Variants in OLIG2 observed in about 807,000 individuals in gnomAD.
OLIG2 encodes the protein basic domain, helix-loop-helix protein, class B, 1.
A neutral mutation model predicts 13.4 loss-of-function variants in OLIG2; 12 were observed. That is an observed-to-expected ratio of 0.90 (90% CI 0.58 to 1.46). The LOEUF (loss-of-function observed/expected upper bound fraction) is 1.46, where lower values mean the gene tolerates loss of function less well. Ranked by LOEUF, OLIG2 falls within the 40% of genes most tolerant of loss-of-function variation. The pLI is 0.00. For missense variants in OLIG2, 415 were observed against 487.9 expected (o/e 0.85, Z 1.41); for synonymous variants, 250 against 233.6 (o/e 1.07, Z -0.64).
In OLIG2 at chr21:33,027,457, C is replaced by G. The variant is rs1375246712; in HGVS notation, c.595C>G (p.Pro199Ala). The change falls in exon 2 of 2, where the codon CCC becomes GCC. Residue 199 changes from proline (P) to alanine (A), a missense_variant. Physicochemically the swap from Pro to Ala is conservative, Grantham distance 27 (BLOSUM62 -1). This residue lies in a region of OLIG2 where 243 missense variants were observed against 241.2 expected (regional missense o/e 1.01). Coordinates refer to ENST00000382357, the MANE Select transcript of OLIG2 (RefSeq NM_005806.4). ...CGGCCTGGCGCACTCCGCGCCCCTG[C>G]CCGCCGCCACCGCGCACCCGGCAGC... ...CGGLAHSAPL[P>A]AATAHPAAAA... The G allele has an allele frequency of 6.7e-7, 1 of 1,492,078 alleles. No homozygotes were observed. Among genetic ancestry groups the G allele is most frequent in the East Asian group, 2.7e-5 (1 of 37,702 alleles). 92.4% of individuals were successfully genotyped at this position (1,492,078 alleles called of 1,614,324 possible).
Position 33,028,255 on chromosome 21 carries a change from T to G in OLIG2, c.*421T>G. ...CACTTCGGGGGGGGAGGGGGTGTTATGGGAGGGGGACACATTGGGGCCTTG... is the reference window on the plus strand; with the variant it reads ...CACTTCGGGGGGGGAGGGGGTGTTAGGGGAGGGGGACACATTGGGGCCTTG... On this transcript the variant is annotated 3_prime_UTR_variant, in exon 2 of 2. Coordinates refer to ENST00000382357, the MANE Select transcript of OLIG2 (RefSeq NM_005806.4). 1 of 241,088 alleles carries G rather than the reference T, an allele frequency of 4.1e-6. No individual in the cohort carries two copies. Among genetic ancestry groups the G allele is most frequent in the Non-Finnish European group, 8.6e-6 (1 of 116,240 alleles). The allele number at this position is 241,088 out of a possible 1,614,324, so 14.9% of individuals were successfully genotyped here.
chr21:33,028,406 C>T lies in OLIG2; in HGVS notation c.*572C>T, dbSNP rs912088453. The T allele has an allele frequency of 1.7e-5, 4 of 242,382 alleles. No individual in the cohort carries two copies. The highest frequency in any genetic ancestry group is 3.5e-5 in the Non-Finnish European group (4 of 114,736). The allele number at this position is 242,382 out of a possible 1,614,324, so 15.0% of individuals were successfully genotyped here. ...CAGGGGCCACAAGTTAGTTGGAAGC[C>T]GGCGTTCGGTATCAGAAGCGCTGAT... On this transcript the variant is annotated 3_prime_UTR_variant, in exon 2 of 2. Transcript: ENST00000382357.
chr21:33,027,827 C>T lies in OLIG2; in HGVS notation c.965C>T (p.Ala322Val). 7.1e-7 allele frequency: 1 copy of T among 1,404,944 alleles called. No homozygotes were observed. The highest frequency in any genetic ancestry group is 1.5e-5 in the South Asian group (1 of 66,658). The allele number at this position is 1,404,944 out of a possible 1,614,324, so 87.0% of individuals were successfully genotyped here. The change falls in exon 2 of 2, where the codon GCC becomes GTC. Residue 322 changes from alanine to valine, a missense_variant. Ala to Val is a moderately conservative substitution (Grantham distance 64). Coordinates refer to ENST00000382357, the MANE Select transcript of OLIG2 (RefSeq NM_005806.4). ...AGCCTGCCGCGCCTCACCTCCGACG[C>T]CAAGTGAGCCGACTGGCGCCGGCGC... ...AGSLPRLTSDAK is the reference protein window; with the variant it reads ...AGSLPRLTSDVK
At position 33,028,033 on chromosome 21, in the gene OLIG2, T is replaced by C; in HGVS notation, c.*199T>C. On this transcript the variant is annotated 3_prime_UTR_variant, in exon 2 of 2. Coordinates refer to ENST00000382357, the MANE Select transcript of OLIG2 (RefSeq NM_005806.4). ...CACAGAGCAGTGGGGAGTGAGGGGA[T>C]GTTCTCTCCGGGACCTGATCGAGCG... is the stretch of plus-strand genomic sequence containing the variant. 1 of 515,602 alleles carries C rather than the reference T, an allele frequency of 1.9e-6. No individual in the cohort carries two copies. The highest frequency in any genetic ancestry group is 4.6e-5 in the South Asian group (1 of 21,650). The allele number at this position is 515,602 out of a possible 1,614,324, so 31.9% of individuals were successfully genotyped here. A position where few individuals can be genotyped will look rare whatever the true frequency, so the allele number is the denominator to read the frequency against.
Position 33,027,737 on chromosome 21 carries a change from C to A in OLIG2, c.875C>A (p.Pro292His). The A allele has an allele frequency of 1.5e-6, 2 of 1,379,230 alleles. No individual in the cohort carries two copies. The highest frequency in any genetic ancestry group is 1.9e-6 in the Non-Finnish European group (2 of 1,073,802). The allele number at this position is 1,379,230 out of a possible 1,614,324, so 85.4% of individuals were successfully genotyped here. ...SGGFQHWGGM[P>H]CPCSMCQVPP... ...GGCTTCCAGCACTGGGGCGGCATGC[C>A]CTGCCCCTGCAGCATGTGCCAGGTG... The change falls in exon 2 of 2, where the codon CCC becomes CAC. Residue 292 changes from proline to histidine, a missense_variant. Coordinates refer to ENST00000382357, the MANE Select transcript of OLIG2 (RefSeq NM_005806.4).
chr21:33,026,661 G>A lies in OLIG2; in HGVS notation c.-62-140G>A. 2 of 637,568 alleles carry A rather than the reference G, an allele frequency of 3.1e-6. No homozygotes were observed. The highest frequency in any genetic ancestry group is 5.3e-6 in the Non-Finnish European group (2 of 374,360). The allele number at this position is 637,568 out of a possible 1,614,324, so 39.5% of individuals were successfully genotyped here. A position where few individuals can be genotyped will look rare whatever the true frequency, so the allele number is the denominator to read the frequency against. ...AGTAGCGAGGGGGACGAGGAGCCAC[G>A]GGCCACCTGTGCCGGGACCCCGCGC... On this transcript the variant is annotated intron_variant, in intron 1 of 1. Transcript: ENST00000382357. This position sits in a 1 kb window ranked among gnomAD's most constrained non-coding sequence, Gnocchi z 6.6.
In OLIG2 at chr21:33,027,771, G is replaced by C; in HGVS notation, c.909G>C (p.Pro303=). 1 of 1,420,224 alleles carries C rather than the reference G, an allele frequency of 7.0e-7. No homozygotes were observed. Among genetic ancestry groups the C allele is most frequent in the South Asian group, 1.4e-5 (1 of 69,474 alleles). The allele number at this position is 1,420,224 out of a possible 1,614,324, so 88.0% of individuals were successfully genotyped here. The change falls in exon 2 of 2, where the codon CCG becomes CCC. Residue 303 remains proline (P), a synonymous_variant. Transcript: ENST00000382357. ...CPCSMCQVPP[P]HHHVSAMGAG... is the part of the protein sequence containing the mutation. Reference sequence around the variant, plus strand: ...GCAGCATGTGCCAGGTGCCGCCGCCGCACCACCACGTGTCGGCTATGGGCG... The same window carrying C: ...GCAGCATGTGCCAGGTGCCGCCGCCCCACCACCACGTGTCGGCTATGGGCG...
At position 33,028,025 on chromosome 21, in the gene OLIG2, T is replaced by A; in HGVS notation, c.*191T>A. 2 of 534,714 alleles carry A rather than the reference T, an allele frequency of 3.7e-6. No homozygotes were observed. The highest frequency in any genetic ancestry group is 6.2e-6 in the Non-Finnish European group (2 of 320,370). The allele number at this position is 534,714 out of a possible 1,614,324, so 33.1% of individuals were successfully genotyped here. A position where few individuals can be genotyped will look rare whatever the true frequency, so the allele number is the denominator to read the frequency against. On this transcript the variant is annotated 3_prime_UTR_variant, in exon 2 of 2. Transcript: ENST00000382357. ...GGGGCGCCCACAGAGCAGTGGGGAG[T>A]GAGGGGATGTTCTCTCCGGGACCTG...
rs1185918494 is a variant in OLIG2, at chr21:33,027,005, C to T, written c.143C>T (p.Pro48Leu). ...TCCTCGTCCACCCCGAGTGACTGCCCGCCGGAGCTGAGCGCCGAGCTGCGC... is the reference window on the plus strand; with the variant it reads ...TCCTCGTCCACCCCGAGTGACTGCCTGCCGGAGCTGAGCGCCGAGCTGCGC... ...TVSSSTPSDC[P>L]PELSAELRGA... The change falls in exon 2 of 2, where the codon CCG (proline) becomes CTG (leucine). Residue 48 changes from proline (P) to leucine (L), a missense_variant. Pro to Leu is a moderately conservative substitution (Grantham distance 98). Coordinates refer to ENST00000382357, the MANE Select transcript of OLIG2 (RefSeq NM_005806.4). 6.2e-7 allele frequency: 1 copy of T among 1,612,212 alleles called. No individual in the cohort carries two copies. The highest frequency in any genetic ancestry group is 1.7e-5 in the Admixed American group (1 of 59,908).
In OLIG2 at chr21:33,026,737, A is replaced by ACTCACTCT; in HGVS notation, c.-62-61_-62-60insACTCTCTC. ...CAGCTTTTCTGTCTCTCACTGACTCACTCTCTCTCTCTCTCCCTCTCTCTC... is the reference window on the plus strand; with the variant it reads ...CAGCTTTTCTGTCTCTCACTGACTCACTCACTCTCTCTCTCTCTCTCTCCCTCTCTCTC... On this transcript the variant is annotated intron_variant, in intron 1 of 1. Coordinates refer to ENST00000382357, the MANE Select transcript of OLIG2 (RefSeq NM_005806.4). This position sits in a 1 kb window ranked among gnomAD's most constrained non-coding sequence, Gnocchi z 6.6. The ACTCACTCT allele has an allele frequency of 9.1e-7, 1 of 1,102,604 alleles. No homozygotes were observed. Among genetic ancestry groups the ACTCACTCT allele is most frequent in the Non-Finnish European group, 1.2e-6 (1 of 800,906 alleles). 68.3% of individuals were successfully genotyped at this position (1,102,604 alleles called of 1,614,324 possible). A position where few individuals can be genotyped will look rare whatever the true frequency, so the allele number is the denominator to read the frequency against.
Position 33,027,636 on chromosome 21 carries a change from C to T in OLIG2, c.774C>T (p.His258=), listed in dbSNP as rs2123269278. ...LPSVGSIRPP[H]GLLKSPSAAA... ...CGGTCGGCTCCATCCGTCCACCGCACGGCCTACTCAAGTCTCCGTCTGCTG... is the reference window on the plus strand; with the variant it reads ...CGGTCGGCTCCATCCGTCCACCGCATGGCCTACTCAAGTCTCCGTCTGCTG... Residue 258 remains histidine, a synonymous_variant, in exon 2 of 2, where the codon CAC becomes CAT. Coordinates refer to ENST00000382357, the MANE Select transcript of OLIG2 (RefSeq NM_005806.4). 6.8e-7 allele frequency: 1 copy of T among 1,465,300 alleles called. No individual in the cohort carries two copies. Among genetic ancestry groups the T allele is most frequent in the South Asian group, 1.3e-5 (1 of 76,616 alleles). The allele number at this position is 1,465,300 out of a possible 1,614,324, so 90.8% of individuals were successfully genotyped here.
chr21:33,027,653 C>T lies in OLIG2; in HGVS notation c.791C>T (p.Pro264Leu). The change falls in exon 2 of 2, where the codon CCG becomes CTG. Residue 264 changes from proline (P) to leucine (L), a missense_variant. Pro to Leu is a moderately conservative substitution (Grantham distance 98, BLOSUM62 -3). Coordinates refer to ENST00000382357, the MANE Select transcript of OLIG2 (RefSeq NM_005806.4). ...CCACCGCACGGCCTACTCAAGTCTCCGTCTGCTGCCGCGGCCGCCCCGCTG... is the reference window on the plus strand; with the variant it reads ...CCACCGCACGGCCTACTCAAGTCTCTGTCTGCTGCCGCGGCCGCCCCGCTG... The part of the protein sequence containing the change: ...IRPPHGLLKS[P>L]SAAAAAPLGG... The T allele has an allele frequency of 7.1e-7, 1 of 1,412,672 alleles. No individual in the cohort carries two copies. The highest frequency in any genetic ancestry group is 2.4e-4 in the Middle Eastern group (1 of 4,156). The allele number at this position is 1,412,672 out of a possible 1,614,324, so 87.5% of individuals were successfully genotyped here. A position where few individuals can be genotyped will look rare whatever the true frequency, so the allele number is the denominator to read the frequency against.
At position 33,026,695 on chromosome 21, in the gene OLIG2, T is replaced by C. The variant is rs188438551; in HGVS notation, c.-62-106T>C. 1,509 of 834,314 alleles carry C rather than the reference T, an allele frequency of 1.8e-3. 20 individuals carry two copies. The South Asian group carries it at 0.021, about 12-fold the overall frequency. 51.7% of individuals were successfully genotyped at this position (834,314 alleles called of 1,614,324 possible). A position where few individuals can be genotyped will look rare whatever the true frequency, so the allele number is the denominator to read the frequency against. The stretch of plus-strand genomic sequence containing the variant: ...GTGCCGGGACCCCGCGCTGTGGTAC[T>C]GCGGTGCAGGCGGGAGCAGCTTTTC... On this transcript the variant is annotated intron_variant, in intron 1 of 1. Transcript: ENST00000382357. This position sits in a 1 kb window ranked among gnomAD's most constrained non-coding sequence, Gnocchi z 6.6.
In OLIG2 at chr21:33,028,235, C is replaced by CG. The variant is rs997790265; in HGVS notation, c.*409dup. ...TGCAGACTCGGCTTGGGCAGCACTT[C>CG]GGGGGGGGAGGGGGTGTTATGGGAG... On this transcript the variant is annotated 3_prime_UTR_variant, in exon 2 of 2. Transcript: ENST00000382357. The CG allele has an allele frequency of 1.2e-3, 290 of 235,016 alleles. No homozygotes were observed. Among genetic ancestry groups the CG allele is most frequent in the South Asian group, 8.4e-3 (45 of 5,348 alleles). The allele number at this position is 235,016 out of a possible 1,614,324, so 14.6% of individuals were successfully genotyped here.
chr21:33,026,564 A>C lies in OLIG2; in HGVS notation c.-62-237A>C, dbSNP rs1441599471. 1 of 419,718 alleles carries C rather than the reference A, an allele frequency of 2.4e-6. No individual in the cohort carries two copies. Among genetic ancestry groups the C allele is most frequent in the African/African-American group, 2.1e-5 (1 of 48,726 alleles). The allele number at this position is 419,718 out of a possible 1,614,324, so 26.0% of individuals were successfully genotyped here. A position where few individuals can be genotyped will look rare whatever the true frequency, so the allele number is the denominator to read the frequency against. Reference sequence around the variant, plus strand: ...AACGCTCCCTGAAATAACCTGTTGCATGAGAGCAGAGGGGAGATAGAGAGA... The same window carrying C: ...AACGCTCCCTGAAATAACCTGTTGCCTGAGAGCAGAGGGGAGATAGAGAGA... On this transcript the variant is annotated intron_variant, in intron 1 of 1. Transcript: ENST00000382357. This position sits in a 1 kb window ranked among gnomAD's most constrained non-coding sequence, Gnocchi z 6.6.
Position 33,027,507 on chromosome 21 carries a change from C to A in OLIG2, c.645C>A (p.Pro215=). 6.7e-7 allele frequency: 1 copy of A among 1,483,342 alleles called. No individual in the cohort carries two copies. Among genetic ancestry groups the A allele is most frequent in the Non-Finnish European group, 8.9e-7 (1 of 1,124,828 alleles). The allele number at this position is 1,483,342 out of a possible 1,614,324, so 91.9% of individuals were successfully genotyped here. ...CAGCAGCGCACGCCGCACATCACCC[C>A]GCGGTGCACCACCCCATCCTGCCGC... is the stretch of plus-strand genomic sequence containing the variant. ...PAAAAHAAHH[P]AVHHPILPPA... Residue 215 remains proline (P), a synonymous_variant, in exon 2 of 2, where the codon CCC becomes CCA. Transcript: ENST00000382357.
In OLIG2 at chr21:33,027,771, G is replaced by A; in HGVS notation, c.909G>A (p.Pro303=). The A allele has an allele frequency of 1.4e-6, 2 of 1,420,224 alleles. No homozygotes were observed. Among genetic ancestry groups the A allele is most frequent in the South Asian group, 1.4e-5 (1 of 69,474 alleles). The allele number at this position is 1,420,224 out of a possible 1,614,324, so 88.0% of individuals were successfully genotyped here. ...CPCSMCQVPP[P]HHHVSAMGAG... is the part of the protein sequence containing the mutation. ...GCAGCATGTGCCAGGTGCCGCCGCC[G>A]CACCACCACGTGTCGGCTATGGGCG... Residue 303 remains proline (P), a synonymous_variant, in exon 2 of 2, where the codon CCG becomes CCA. Transcript: ENST00000382357.
Position 33,026,283 on chromosome 21 carries a change from A to T in OLIG2, c.-63+257A>T, listed in dbSNP as rs931097577. 1.3e-5 allele frequency: 2 copies of T among 153,198 alleles called. No homozygotes were observed. The highest frequency in any genetic ancestry group is 2.9e-5 in the Non-Finnish European group (2 of 68,712). The allele number at this position is 153,198 out of a possible 1,614,324, so 9.5% of individuals were successfully genotyped here. A position where few individuals can be genotyped will look rare whatever the true frequency, so the allele number is the denominator to read the frequency against. ...CTGGTGAGCTCCCCGTGGTCTCCAG[A>T]TGCAGCACATGGACTCTGGGCCCCG... On this transcript the variant is annotated intron_variant, in intron 1 of 1. Coordinates refer to ENST00000382357, the MANE Select transcript of OLIG2 (RefSeq NM_005806.4). The surrounding 1 kb of genome is among the most constrained non-coding windows in gnomAD (Gnocchi z 6.6).
rs374769536 is a variant in OLIG2, at chr21:33,027,279, C to A, written c.417C>A (p.His139Gln). The change falls in exon 2 of 2, where the codon CAC (histidine) becomes CAA (glutamine). Residue 139 changes from histidine (H) to glutamine (Q), a missense_variant. His to Gln is a conservative substitution (Grantham distance 24). Around this residue, in one of 3 missense-constraint regions of OLIG2, gnomAD observed 50 missense variants for 119.9 expected, o/e 0.42. Coordinates refer to ENST00000382357, the MANE Select transcript of OLIG2 (RefSeq NM_005806.4). ...DGLREVMPYA[H>Q]GPSVRKLSKI... The stretch of plus-strand genomic sequence containing the variant: ...TCCGCGAGGTCATGCCGTACGCACA[C>A]GGCCCTTCGGTGCGCAAGCTTTCCA... 1.9e-6 allele frequency: 3 copies of A among 1,607,982 alleles called. No individual in the cohort carries two copies. The highest frequency in any genetic ancestry group is 2.5e-6 in the Non-Finnish European group (3 of 1,177,596).
Sources: allele counts gnomAD v4.1 joint callset, GRCh38; gene constraint gnomAD v4.1.1; regional missense constraint gnomAD v4.1.1; non-coding constraint Gnocchi (gnomAD v3.1); transcripts MANE v1.5; gene names NCBI Gene and HGNC (gene_info 2026-07-23, HGNC 2026-07-21).